EDIL3: variants seen among roughly 807,000 people sequenced by gnomAD.
EDIL3 encodes EGF-like repeat and discoidin I-like domain-containing protein 3.
EDIL3 carries 37 observed loss-of-function variants against 67.4 expected under a neutral mutation model. The observed-to-expected ratio is 0.55, with a 90% CI of 0.42 to 0.72. The LOEUF (loss-of-function observed/expected upper bound fraction) is 0.72, where lower values mean the gene tolerates loss of function less well. Among genes scored for constraint, EDIL3 ranks in the 30% least tolerant of loss-of-function variants. EDIL3 has a pLI of 0.00. For missense variants in EDIL3, 527 were observed against 586.3 expected, an observed-to-expected ratio of 0.90 and a Z score of 1.04; for synonymous variants, 195 against 196.3, an observed-to-expected ratio of 0.99 and a Z score of 0.05.
chr5:84,208,973 C>T lies in EDIL3; in HGVS notation c.226+20882G>A, dbSNP rs368850496. On this transcript the variant is annotated intron_variant, in intron 3 of 10. Coordinates refer to ENST00000296591, the MANE Select transcript of EDIL3 (RefSeq NM_005711.5). ...CACAATAGCAAAGACTTGGAACCAACGCAAATATCCAACAATGATAGACTG... is the reference window on the plus strand; with the variant it reads ...CACAATAGCAAAGACTTGGAACCAATGCAAATATCCAACAATGATAGACTG... Among the ~76,000 whole-genome samples, 81 of 152,224 alleles carry T rather than the reference C, an allele frequency of 5.3e-4. 1 individual carries two copies. Among genetic ancestry groups the T allele is most frequent in the Admixed American group, 9.1e-4 (14 of 15,302 alleles).
chr5:84,083,114 T>G (rs986909358), intron 6 of EDIL3, among the ~76,000 whole-genome samples: 4 of 152,214 alleles, frequency 2.6e-5, no homozygotes, highest in Admixed American at 6.5e-5. Context: ...GTACTACGTT[T>G]AAATATTTAA....
chr5:84,227,800 A>T (rs1580386928), intron 3 of EDIL3, among the ~76,000 whole-genome samples: 1 of 152,116 alleles, frequency 6.6e-6, no homozygotes, highest in South Asian at 2.1e-4. Flanking sequence ...GGAGGCCATG[A>T]TTCAAAAATT....
At chr5:83,989,166 C>T (rs1745106379) in intron 9 of EDIL3, among the ~76,000 whole-genome samples, 1 of 152,118 alleles carries the variant, frequency 6.6e-6, no homozygotes, top group Non-Finnish European at 1.5e-5. Context: ...GGAACTAAGC[C>T]TATGGCAAAA....
intron 2 of EDIL3, 56 bp from the exon 3 acceptor site, chr5:84,229,940 A>AG (rs1323431643): frequency 2.1e-6 from 3 of 1,414,374 alleles, no homozygotes; most frequent in Non-Finnish European, 9.7e-7. Flanking sequence ...GGGAGGGAGA[A>AG]GGGGGGAGAG....
Position 84,384,867 on chromosome 5 carries a change from G to A in EDIL3, c.-493C>T, listed in dbSNP as rs998122687. The stretch of plus-strand genomic sequence containing the variant: ...CGGGAGCGCACTGTGTACAAACAGA[G>A]GCGGCGTGCGTGTGAGTCTGAGCCT... On this transcript the variant is annotated 5_prime_UTR_variant, in exon 1 of 11. Transcript: ENST00000296591. The A allele has an allele frequency of 2.0e-5, 3 of 152,344 alleles. No individual in the cohort carries two copies. The highest frequency in any genetic ancestry group is 7.2e-5 in the African/African-American group (3 of 41,460). The allele number at this position is 152,344 out of a possible 1,614,324, so 9.4% of individuals were successfully genotyped here. A position where few individuals can be genotyped will look rare whatever the true frequency, so the allele number is the denominator to read the frequency against.
intron 10 of EDIL3, among the ~76,000 whole-genome samples, chr5:83,951,728 T>G (rs1232510474): frequency 6.6e-6 from 1 of 151,766 alleles, no homozygotes; most frequent in Non-Finnish European, 1.5e-5. Flanking sequence ...TAAAATTCAT[T>G]ATTTCTTAGA....
chr5:83,986,437 A>G (rs1289581567), intron 9 of EDIL3, among the ~76,000 whole-genome samples: 1 of 152,168 alleles, frequency 6.6e-6, no homozygotes, highest in Non-Finnish European at 1.5e-5. Flanking sequence ...GAGAGGCATT[A>G]CTTAGAAGAG....
chr5:84,341,419 A>C (rs1747113267), intron 1 of EDIL3, among the ~76,000 whole-genome samples: 1 of 152,094 alleles, frequency 6.6e-6, no homozygotes, highest in African/African-American at 2.4e-5. Context: ...TAAGTGAAAA[A>C]ATTTACAAGA....
At chr5:84,033,583 A>T (rs1745966057) in intron 9 of EDIL3, among the ~76,000 whole-genome samples, 1 of 151,824 alleles carries the variant, frequency 6.6e-6, no homozygotes, top group Admixed American at 6.6e-5. Flanking sequence ...ACACGCCTGT[A>T]GTCCCAGCTA....
intron 9 of EDIL3, among the ~76,000 whole-genome samples, chr5:83,998,460 A>G (rs1745271347): frequency 6.6e-6 from 1 of 152,162 alleles, no homozygotes; most frequent in South Asian, 2.1e-4. Context: ...TGCCATGGGC[A>G]TTGGGTGATA....
At chr5:84,180,213 A>G (rs1018450960) in intron 4 of EDIL3, among the ~76,000 whole-genome samples, 180 bp downstream of exon 4, 4 of 152,174 alleles carry the variant, frequency 2.6e-5, no homozygotes, top group Non-Finnish European at 5.9e-5. Flanking sequence ...GGATTGAAAC[A>G]CAGTCTAGGA....
rs370448735 is a variant in EDIL3 at position 84,384,435 on chromosome 5, C to G, written c.-61G>C. The G allele has an allele frequency of 5.1e-6, 8 of 1,576,100 alleles. No individual in the cohort carries two copies. Among genetic ancestry groups the G allele is most frequent in the Non-Finnish European group, 7.0e-6 (8 of 1,149,756 alleles). ...GGGTCGTCGCGGAGGGCAGTGTAGC[C>G]GAGGTGGCAGCGCAGGGCAGCAGCA... On this transcript the variant is annotated 5_prime_UTR_variant, in exon 1 of 11. Transcript: ENST00000296591.
intron 5 of EDIL3, 86 bp from the exon 6 acceptor site, chr5:84,106,916 T>C: frequency 7.0e-7 from 1 of 1,421,732 alleles, no homozygotes; most frequent in Non-Finnish European, 9.4e-7. Context: ...AGGATTTTTT[T>C]AAATGATTTG....
chr5:84,159,975 G>A (rs1221348960), intron 4 of EDIL3, among the ~76,000 whole-genome samples: 4 of 151,914 alleles, frequency 2.6e-5, no homozygotes, highest in Admixed American at 1.3e-4. Context: ...TTTTCTCACC[G>A]CTTGTGTTGT....
intron 1 of EDIL3, among the ~76,000 whole-genome samples, chr5:84,261,289 T>C (rs903114104): frequency 6.6e-6 from 1 of 152,162 alleles, no homozygotes. Flanking sequence ...ACCTGTGAAA[T>C]TGTGTGGAAC....
intron 4 of EDIL3, among the ~76,000 whole-genome samples, chr5:84,145,335 G>C (rs528985934): frequency 6.6e-6 from 1 of 152,248 alleles, no homozygotes; most frequent in African/African-American, 2.4e-5. Flanking sequence ...AGAGAGCTGA[G>C]CACTTTGAAT....
intron 4 of EDIL3, among the ~76,000 whole-genome samples, chr5:84,149,307 G>A (rs1210409024): frequency 6.6e-6 from 1 of 152,150 alleles, no homozygotes; most frequent in African/African-American, 2.4e-5. Context: ...TGGGGAAAGA[G>A]TCATCTGAAT....
At chr5:83,947,221 A>G (rs1009376265) in intron 10 of EDIL3, among the ~76,000 whole-genome samples, 2 of 151,646 alleles carry the variant, frequency 1.3e-5, no homozygotes, top group Non-Finnish European at 2.9e-5. Context: ...AGTTTTTTCT[A>G]TTGATTGTAT....
chr5:84,074,996 A>G (rs930155353), intron 6 of EDIL3, among the ~76,000 whole-genome samples: 7 of 152,250 alleles, frequency 4.6e-5, no homozygotes, highest in Non-Finnish European at 1.0e-4. Flanking sequence ...TGGCACATAT[A>G]TACCATGGAA....
Sources: gnomAD v4.1 joint callset for allele counts (sites outside exome capture counted in the v4.1 genomes callset) on GRCh38, gnomAD v4.1.1 for gene constraint, MANE v1.5 for transcripts, NCBI Gene and HGNC (gene_info 2026-07-23, HGNC 2026-07-21) for gene names.